The following PBX1 variants were observed in gnomAD, a reference collection of about 807,000 sequenced individuals.
PBX1 encodes the protein PBX homeobox 1.
In PBX1, 6 loss-of-function variants were observed where a neutral mutation model predicts 53.4. The ratio of observed to expected loss-of-function variants is 0.11; its 90% CI spans 0.06 to 0.22. The LOEUF (loss-of-function observed/expected upper bound fraction) is 0.22. PBX1 is among the 10% of genes least tolerant of loss of function. The probability of loss-of-function intolerance (pLI) is 1.00; values close to 1 mark genes in which losing one functional copy is unlikely to be tolerated. For synonymous variants in PBX1, 204 were observed against 212.3 expected (o/e 0.96, Z 0.34); for missense variants, 251 against 551.4 (o/e 0.46, Z 5.46).
chr1:164,849,803 C>G lies in PBX1; in HGVS notation c.*3127C>G. 2 of 235,262 alleles carry G rather than the reference C, an allele frequency of 8.5e-6. No homozygotes were observed. Among genetic ancestry groups the G allele is most frequent in the Non-Finnish European group, 1.7e-5 (2 of 119,494 alleles). 14.6% of individuals were successfully genotyped at this position (235,262 alleles called of 1,614,324 possible). ...GTTGTCTTTTCTCACACATCTTTCT[C>G]TCTGTCTCTCTCTTTCCTGCTCTTT... On this transcript the variant is annotated 3_prime_UTR_variant, in exon 9 of 9. Coordinates refer to ENST00000420696, the MANE Select transcript of PBX1 (RefSeq NM_002585.4).
intron 2 of PBX1, chr1:164,683,706 A>G (rs1007333208): frequency 6.7e-6 from 1 of 150,368 alleles, no homozygotes. Context: ...CCAGAAACTT[A>G]CTGTCAAATT....
chr1:164,814,842 G>T (rs1489382130), intron 6 of PBX1: 1 of 152,192 alleles, frequency 6.6e-6, no homozygotes, highest in Non-Finnish European at 1.5e-5. Context: ...ACTTCAGTAA[G>T]ATTACTTCCA....
chr1:164,758,081 CCTTA>C (rs1450206624), intron 2 of PBX1, among the ~76,000 whole-genome samples: 1 of 152,162 alleles, frequency 6.6e-6, no homozygotes, highest in African/African-American at 2.4e-5. Context: ...CCAGTTTTAT[CCTTA>C]CCCACAGCCG....
At chr1:164,620,056 G>A (rs1348590782) in intron 2 of PBX1, among the ~76,000 whole-genome samples, 1 of 151,834 alleles carries the variant, frequency 6.6e-6, no homozygotes, top group African/African-American at 2.4e-5. Context: ...AGCCAGGCGT[G>A]GTAGCACACA....
At chr1:164,573,484 CTTT>C (rs747696401) in intron 2 of PBX1, among the ~76,000 whole-genome samples, 3 of 104,620 alleles carry the variant, frequency 2.9e-5, no homozygotes. Flanking sequence ...TACAGCACAT[CTTT>C]TTTTTTTTTT....
intron 3 of PBX1, among the ~76,000 whole-genome samples, chr1:164,796,677 T>C (rs1257442094): frequency 1.3e-5 from 2 of 152,220 alleles, no homozygotes; most frequent in Non-Finnish European, 2.9e-5. Flanking sequence ...TTTGAAAGGC[T>C]TCCCTTTCAG....
At chr1:164,734,813 C>G (rs1404055814) in intron 2 of PBX1, among the ~76,000 whole-genome samples, 7 of 152,018 alleles carry the variant, frequency 4.6e-5, no homozygotes, top group Admixed American at 6.6e-5. Flanking sequence ...GTACTGTGAT[C>G]TGGAGAGGGA....
intron 2 of PBX1, among the ~76,000 whole-genome samples, chr1:164,737,348 C>T (rs1665349519): frequency 6.6e-6 from 1 of 152,112 alleles, no homozygotes; most frequent in Non-Finnish European, 1.5e-5. Flanking sequence ...CAGAGTTTTT[C>T]AGTATTGATA....
chr1:164,844,562 G>A (rs1037986615), intron 8 of PBX1, among the ~76,000 whole-genome samples: 2 of 152,158 alleles, frequency 1.3e-5, no homozygotes, highest in Non-Finnish European at 1.5e-5. Context: ...GGTGCATGCT[G>A]TATGTTTTGT....
chr1:164,766,046 G>A (rs1400001229), intron 2 of PBX1, among the ~76,000 whole-genome samples: 2 of 152,258 alleles, frequency 1.3e-5, no homozygotes, highest in African/African-American at 4.8e-5. Flanking sequence ...ACTCTCATTT[G>A]GCAATCAGAA....
At chr1:164,837,444 CTG>C (rs1029733634) in intron 8 of PBX1, among the ~76,000 whole-genome samples, 2 of 152,130 alleles carry the variant, frequency 1.3e-5, no homozygotes, top group African/African-American at 2.4e-5. Flanking sequence ...TAAGTAGCAT[CTG>C]TGTGTCTGTC....
At chr1:164,865,853 G>A (rs1366054187) in intron 2 of PBX1, among the ~76,000 whole-genome samples, 1 of 152,188 alleles carries the variant, frequency 6.6e-6, no homozygotes, top group African/African-American at 2.4e-5. Context: ...GTGTGGAAAT[G>A]GAGGCTCAGG....
chr1:164,743,152 G>A (rs948227333), intron 2 of PBX1, among the ~76,000 whole-genome samples: 3 of 152,078 alleles, frequency 2.0e-5, no homozygotes, highest in African/African-American at 4.8e-5. Flanking sequence ...TATTCCTTCC[G>A]TACAAACACC....
At chr1:164,738,202 T>A (rs1665404888) in intron 2 of PBX1, among the ~76,000 whole-genome samples, 1 of 152,310 alleles carries the variant, frequency 6.6e-6, no homozygotes, top group Non-Finnish European at 1.5e-5. Flanking sequence ...AGAATAAAGC[T>A]ACTGTGAACA....
intron 2 of PBX1, among the ~76,000 whole-genome samples, chr1:164,653,605 T>C (rs1235433105): frequency 6.6e-6 from 1 of 152,098 alleles, no homozygotes; most frequent in Non-Finnish European, 1.5e-5. Context: ...AAACCCCGTC[T>C]ACTAAAAAAC....
intron 8 of PBX1, among the ~76,000 whole-genome samples, chr1:164,837,237 G>T (rs1382970909): frequency 1.3e-5 from 2 of 152,124 alleles, no homozygotes; most frequent in Non-Finnish European, 2.9e-5. Flanking sequence ...TAATAGCCTT[G>T]TCAACAAAGC....
intron 2 of PBX1, among the ~76,000 whole-genome samples, chr1:164,775,943 G>T (rs897257861): frequency 1.3e-5 from 2 of 152,156 alleles, no homozygotes; most frequent in South Asian, 4.1e-4. Context: ...AGGCTTAATT[G>T]TGATGATATC....
chr1:164,817,668 A>G (rs1463535770), intron 6 of PBX1: 1 of 152,230 alleles, frequency 6.6e-6, no homozygotes, highest in Non-Finnish European at 1.5e-5. Flanking sequence ...TTTACAGTTT[A>G]TGCACATGTA....
At chr1:164,651,364 C>T (rs1659804715) in intron 2 of PBX1, among the ~76,000 whole-genome samples, 1 of 151,980 alleles carries the variant, frequency 6.6e-6, no homozygotes, top group African/African-American at 2.4e-5. Context: ...GTCCCCTTTG[C>T]TTAGGCTGTC....
Sources: gnomAD v4.1 joint callset for allele counts (sites outside exome capture counted in the v4.1 genomes callset) on GRCh38, gnomAD v4.1.1 for gene constraint, MANE v1.5 for transcripts, NCBI Gene and HGNC (gene_info 2026-07-23, HGNC 2026-07-21) for gene names.